Variants in TTC28 observed in about 807,000 individuals in gnomAD.
The protein encoded by TTC28 is tetratricopeptide repeat domain 28, also known as tetratricopeptide repeat protein 28.
A neutral mutation model predicts 198.0 loss-of-function variants in TTC28; 61 were observed. The observed-to-expected ratio is 0.31, with a 90% confidence interval of 0.25 to 0.38. The LOEUF (loss-of-function observed/expected upper bound fraction) is 0.38, where lower values mean the gene tolerates loss of function less well. Ranked by LOEUF, TTC28 falls within the 10% of genes least tolerant of loss-of-function variation. The probability of loss-of-function intolerance (pLI) is 1.00; values close to 1 mark genes in which losing one functional copy is unlikely to be tolerated. For missense variants in TTC28, 2,678 were observed against 3,164.0 expected (o/e 0.85, Z 3.69); for synonymous variants, 1,171 against 1,297.8 (o/e 0.90, Z 2.10).
At chr22:28,020,253 G>A (rs910327755) in intron 13 of TTC28, among the ~76,000 whole-genome samples, 3 of 152,348 alleles carry the variant, frequency 2.0e-5, no homozygotes, top group Admixed American at 6.5e-5. Context: ...CATGGCTGCC[G>A]GGACCCAGTT....
intron 2 of TTC28, among the ~76,000 whole-genome samples, chr22:28,544,022 A>ACCAGCCTGG (rs1397887745): frequency 2.0e-5 from 3 of 152,132 alleles, no homozygotes; most frequent in South Asian, 2.1e-4. Flanking sequence ...GGAGTTTGAG[A>ACCAGCCTGG]CCAGCCTGGC....
intron 5 of TTC28, among the ~76,000 whole-genome samples, chr22:28,289,929 C>T (rs2044755828): frequency 6.6e-6 from 1 of 151,944 alleles, no homozygotes; most frequent in African/African-American, 2.4e-5. Context: ...GAGGCTGAGG[C>T]AGGAGAATCA....
chr22:28,239,281 G>A (rs569544463), intron 5 of TTC28, among the ~76,000 whole-genome samples: 1 of 152,256 alleles, frequency 6.6e-6, no homozygotes, highest in South Asian at 2.1e-4. Flanking sequence ...CAATATGGTA[G>A]CCAATAGCCA....
chr22:27,995,599 G>A (rs1231352685), intron 17 of TTC28, among the ~76,000 whole-genome samples: 3 of 152,308 alleles, frequency 2.0e-5, no homozygotes, highest in Admixed American at 2.0e-4. Context: ...GGACTCAGGG[G>A]CAGACTGGTA....
chr22:27,991,761 G>T (rs138642), intron 19 of TTC28, among the ~76,000 whole-genome samples: 1 of 152,162 alleles, frequency 6.6e-6, no homozygotes, highest in Non-Finnish European at 1.5e-5. Context: ...TGGCCAGAAC[G>T]CAGTGGTGCA....
In TTC28 at chr22:27,985,271, G is replaced by C; in HGVS notation, c.5793C>G (p.Leu1931=). The change falls in exon 22 of 23, where the codon CTC becomes CTG. Residue 1931 remains leucine, a synonymous_variant. Transcript: ENST00000397906. ...TACCAAACAGAGACAGCAGGGACTG[G>C]AGCGCGAAGTGCACAGTCCGTCGAT... ...QANRRTVHFA[L]QSLLSLFDST... is the part of the protein sequence containing the mutation. The C allele has an allele frequency of 6.4e-7, 1 of 1,551,420 alleles. No individual in the cohort carries two copies. Among genetic ancestry groups the C allele is most frequent in the Non-Finnish European group, 8.7e-7 (1 of 1,146,836 alleles).
At chr22:28,149,170 T>A (rs1361796451) in intron 6 of TTC28, among the ~76,000 whole-genome samples, 1 of 152,218 alleles carries the variant, frequency 6.6e-6, no homozygotes, top group Non-Finnish European at 1.5e-5. Context: ...TGTTGCTGTA[T>A]GGAATATTGT....
intron 2 of TTC28, among the ~76,000 whole-genome samples, chr22:28,480,502 C>T (rs1049094505): frequency 2.6e-5 from 4 of 152,142 alleles, no homozygotes; most frequent in Admixed American, 6.5e-5. Flanking sequence ...AAAAGCCTTT[C>T]GTTCTAATTC....
chr22:28,668,853 G>A (rs1188509367), intron 1 of TTC28, among the ~76,000 whole-genome samples: 1 of 3,242 alleles, frequency 3.1e-4, no homozygotes, highest in African/African-American at 1.4e-3. Flanking sequence ...ACATGCACAC[G>A]TATGTTTATT....
rs1937041346 is a variant in TTC28 at position 27,982,189 on chromosome 22, G to A, written c.*32C>T. On this transcript the variant is annotated 3_prime_UTR_variant, in exon 23 of 23. Transcript: ENST00000397906. This position sits in a 1 kb window ranked among gnomAD's most constrained non-coding sequence, Gnocchi z 5.2. ...GCAAACGCCAGGCCCCCATCTGCAG[G>A]CTGCTCAGAGTCAGTGGGTATAAAA... The A allele has an allele frequency of 1.4e-6, 2 of 1,455,458 alleles. No individual in the cohort carries two copies. Among genetic ancestry groups the A allele is most frequent in the Non-Finnish European group, 9.1e-7 (1 of 1,102,842 alleles). The allele number at this position is 1,455,458 out of a possible 1,614,324, so 90.2% of individuals were successfully genotyped here.
chr22:28,647,941 A>ATCGC (rs913388987), intron 1 of TTC28, among the ~76,000 whole-genome samples: 6 of 148,498 alleles, frequency 4.0e-5, no homozygotes, highest in Non-Finnish European at 9.0e-5. Context: ...AATGATCAAC[A>ATCGC]TCGCTGGGCA....
chr22:28,393,696 A>C (rs1245327214), intron 2 of TTC28, among the ~76,000 whole-genome samples: 1 of 152,210 alleles, frequency 6.6e-6, no homozygotes, highest in African/African-American at 2.4e-5. Flanking sequence ...CCTGTCTTAA[A>C]AAAATAAAAA....
chr22:28,420,935 G>A (rs2047243506), intron 2 of TTC28, among the ~76,000 whole-genome samples: 1 of 152,094 alleles, frequency 6.6e-6, no homozygotes, highest in South Asian at 2.1e-4. Flanking sequence ...TTTTAGCTGA[G>A]ACACACTTGG....
chr22:28,133,805 G>A (rs1167509950), intron 6 of TTC28, among the ~76,000 whole-genome samples: 1 of 152,234 alleles, frequency 6.6e-6, no homozygotes, highest in Non-Finnish European at 1.5e-5. Context: ...CCAAACAAAA[G>A]GCAGCAGAAA....
At chr22:28,372,361 C>A (rs1056931229) in intron 2 of TTC28, among the ~76,000 whole-genome samples, 1 of 152,098 alleles carries the variant, frequency 6.6e-6, no homozygotes, top group African/African-American at 2.4e-5. Flanking sequence ...TAAACAGCCA[C>A]GCACATAATT....
intron 5 of TTC28, among the ~76,000 whole-genome samples, chr22:28,182,857 C>T (rs1291454903): frequency 2.0e-5 from 3 of 152,138 alleles, no homozygotes; most frequent in Admixed American, 6.5e-5. Flanking sequence ...ATCACCTAAT[C>T]CACAGATTTT....
At chr22:28,430,618 C>A (rs1000063898) in intron 2 of TTC28, among the ~76,000 whole-genome samples, 2 of 152,026 alleles carry the variant, frequency 1.3e-5, no homozygotes, top group African/African-American at 4.8e-5. Context: ...ATGCATGGGG[C>A]AATCATGGAA....
At chr22:28,193,874 T>A (rs112058129) in intron 5 of TTC28, among the ~76,000 whole-genome samples, 2 of 152,046 alleles carry the variant, frequency 1.3e-5, no homozygotes, top group African/African-American at 4.8e-5. Context: ...ATTAGACACA[T>A]CAACGAGACA....
chr22:28,032,242 ATATATAAAATATATATATATATATAGT>A (rs1569094959), intron 12 of TTC28, among the ~76,000 whole-genome samples: 34 of 110,624 alleles, frequency 3.1e-4, no homozygotes, highest in African/African-American at 1.1e-3. Context: ...TAAAATATAT[ATATATAAAATATATATATATATATAGT>A]GTGTGTGTGT....
Sources: allele counts gnomAD v4.1 joint callset (sites outside exome capture counted in the v4.1 genomes callset), GRCh38; gene constraint gnomAD v4.1.1; non-coding constraint Gnocchi (gnomAD v3.1); transcripts MANE v1.5; gene names NCBI Gene and HGNC (gene_info 2026-07-23, HGNC 2026-07-21).